PDE1A: variants seen among roughly 807,000 people sequenced by gnomAD.
PDE1A encodes phosphodiesterase 1A, also known as dual specificity calcium/calmodulin-dependent 3',5'-cyclic nucleotide phosphodiesterase 1A.
A neutral mutation model predicts 61.7 loss-of-function variants in PDE1A; 35 were observed. That is an observed-to-expected ratio of 0.57 (90% confidence interval 0.43 to 0.75). PDE1A has a LOEUF of 0.75. Among genes scored for constraint, PDE1A ranks in the 30% least tolerant of loss-of-function variants. The probability of loss-of-function intolerance (pLI) is 0.00; values close to 1 mark genes in which losing one functional copy is unlikely to be tolerated. For missense variants in PDE1A, 597 were observed against 630.6 expected (o/e 0.95, Z 0.57); for synonymous variants, 232 against 213.2 (o/e 1.09, Z -0.77).
At chr2:182,609,681 AAC>A in the PDE1A span, among the ~76,000 whole-genome samples, 1 of 152,256 alleles carries the variant, frequency 6.6e-6, no homozygotes, top group Non-Finnish European at 1.5e-5. Context: ...TAAGAACTGT[AAC>A]ACTCACCGCG....
At chr2:182,527,303 T>TTAAAAAA (rs1690785942), upstream of PDE1A, among the ~76,000 whole-genome samples, 1 of 22,842 alleles carries the variant, frequency 4.4e-5, no homozygotes, top group African/African-American at 2.0e-4. Context: ...CCTTTCTCTA[T>TTAAAAAA]AAAAAAAAAA....
the PDE1A span, among the ~76,000 whole-genome samples, chr2:182,558,486 C>T: frequency 6.6e-6 from 1 of 152,110 alleles, no homozygotes; most frequent in Non-Finnish European, 1.5e-5. Context: ...CATTATTTTA[C>T]TTCTAGCATA....
chr2:182,169,292 G>T (rs1427899486), intron 13 of PDE1A, among the ~76,000 whole-genome samples: 1 of 151,782 alleles, frequency 6.6e-6, no homozygotes, highest in Non-Finnish European at 1.5e-5. Context: ...ATTGTACATT[G>T]AAAAAAACAT....
the PDE1A span, among the ~76,000 whole-genome samples, chr2:182,602,027 C>T: frequency 1.3e-5 from 2 of 152,246 alleles, no homozygotes; most frequent in African/African-American, 4.8e-5. Flanking sequence ...GGGGACCTTC[C>T]CCCTTCCACC....
At chr2:182,652,770 A>G in the PDE1A span, among the ~76,000 whole-genome samples, 2 of 152,118 alleles carry the variant, frequency 1.3e-5, no homozygotes, top group East Asian at 1.9e-4. Flanking sequence ...CATAATTCAT[A>G]TTCATATTTC....
intron 1 of PDE1A, among the ~76,000 whole-genome samples, chr2:182,311,176 CT>C (rs1695943869): frequency 6.6e-6 from 1 of 152,212 alleles, no homozygotes; most frequent in African/African-American, 2.4e-5. Context: ...TTTTTCCTAA[CT>C]CATATTATAA....
At chr2:182,416,122 G>A (rs889620721) in intron 1 of PDE1A, among the ~76,000 whole-genome samples, 1 of 152,132 alleles carries the variant, frequency 6.6e-6, no homozygotes, top group Non-Finnish European at 1.5e-5. Context: ...CAGGGCAAAT[G>A]TGCAAGCAAA....
At chr2:182,603,291 T>C in the PDE1A span, among the ~76,000 whole-genome samples, 23,612 of 152,224 alleles carry the variant, frequency 0.16, 2,119 homozygotes, top group Middle Eastern at 0.24. Context: ...TGAGACCACA[T>C]TGATTACTAC....
At chr2:182,488,788 G>A (rs763662432) in intron 2 of PDE1A, among the ~76,000 whole-genome samples, 4 of 152,184 alleles carry the variant, frequency 2.6e-5, no homozygotes, top group East Asian at 1.9e-4. Context: ...CAGAAATTAT[G>A]TAAAACACAG....
rs201844547 is a variant in PDE1A at position 182,231,162 on chromosome 2, C to T, written c.418-31G>A. ...GAAAAAAGAATAAATACTTTAGGTGCCAATATCATACTGTTTCTACGAGAA... is the reference window on the plus strand; with the variant it reads ...GAAAAAAGAATAAATACTTTAGGTGTCAATATCATACTGTTTCTACGAGAA... On this transcript the variant is annotated intron_variant, in intron 4 of 13. Coordinates refer to ENST00000351439, the Ensembl canonical transcript of PDE1A. The T allele has an allele frequency of 6.7e-4, 710 of 1,052,998 alleles. 11 individuals are homozygous for T. Among genetic ancestry groups the T allele is most frequent in the South Asian group, 5.3e-3 (405 of 76,384 alleles). The allele number at this position is 1,052,998 out of a possible 1,614,324, so 65.2% of individuals were successfully genotyped here.
chr2:182,254,947 A>C (rs1691668846), intron 2 of PDE1A, among the ~76,000 whole-genome samples: 1 of 152,160 alleles, frequency 6.6e-6, no homozygotes, highest in African/African-American at 2.4e-5. Flanking sequence ...CCCTGGACAC[A>C]ATGACTGGTT....
In PDE1A at chr2:182,485,301, G is replaced by A. The variant is rs557024454; in HGVS notation, c.101+36975C>T. On this transcript the variant is annotated intron_variant, in intron 2 of 14. Transcript: ENST00000410103. Reference sequence around the variant, plus strand: ...ATATCACGTGTTCTCACTTACAAGTGGGAGCTAAAAGATAAGAACTCATGA... The same window carrying A: ...ATATCACGTGTTCTCACTTACAAGTAGGAGCTAAAAGATAAGAACTCATGA... 1.2e-4 allele frequency among the ~76,000 whole-genome samples: 19 copies of A among 152,120 alleles called. No individual in the cohort carries two copies. In the South Asian group the frequency reaches 3.3e-3, roughly 27 times the overall value.
intron 1 of PDE1A, among the ~76,000 whole-genome samples, chr2:182,390,866 G>A (rs967902901): frequency 6.6e-6 from 1 of 152,150 alleles, no homozygotes. Flanking sequence ...ACCTTTCTCT[G>A]AGGAGAACAA....
the PDE1A span, among the ~76,000 whole-genome samples, chr2:182,564,316 C>T: frequency 6.6e-6 from 1 of 152,148 alleles, no homozygotes; most frequent in Admixed American, 6.5e-5. Context: ...ACTTATGAAG[C>T]TTAGTTTGGC....
At chr2:182,653,496 T>C in the PDE1A span, among the ~76,000 whole-genome samples, 1 of 152,306 alleles carries the variant, frequency 6.6e-6, no homozygotes, top group Admixed American at 6.5e-5. Context: ...GAAATTAGGC[T>C]CTTGATCTGA....
chr2:182,348,970 CA>C (rs1298307139), intron 1 of PDE1A, among the ~76,000 whole-genome samples: 1 of 151,874 alleles, frequency 6.6e-6, no homozygotes, highest in Non-Finnish European at 1.5e-5. Flanking sequence ...ACTATAACAC[CA>C]AAATAAACTA....
intron 1 of PDE1A, among the ~76,000 whole-genome samples, chr2:182,389,054 G>A (rs894419107): frequency 1.3e-5 from 2 of 151,976 alleles, no homozygotes; most frequent in African/African-American, 4.8e-5. Context: ...GAAGTTAAAA[G>A]ATAAAAATAA....
At chr2:182,204,492 TCTC>T (rs1404563448) in intron 8 of PDE1A, among the ~76,000 whole-genome samples, 12 of 152,056 alleles carry the variant, frequency 7.9e-5, no homozygotes, top group Admixed American at 2.0e-4. Context: ...CCTCTTCCAT[TCTC>T]CTCCTCAGCC....
chr2:182,502,843 G>T (rs781437179), intron 2 of PDE1A, among the ~76,000 whole-genome samples: 1 of 152,068 alleles, frequency 6.6e-6, no homozygotes, highest in Non-Finnish European at 1.5e-5. Flanking sequence ...TTGCAGATTT[G>T]TGCCTATGGA....
Sources: gnomAD v4.1 joint callset for allele counts (sites outside exome capture counted in the v4.1 genomes callset) on GRCh38, gnomAD v4.1.1 for gene constraint, MANE v1.5 for transcripts, NCBI Gene and HGNC (gene_info 2026-07-23, HGNC 2026-07-21) for gene names.